MEF2C: variants seen among roughly 807,000 people sequenced by gnomAD.
The protein encoded by MEF2C is myocyte-specific enhancer factor 2C.
In MEF2C, 6 loss-of-function variants were observed where a neutral mutation model predicts 50.5. The observed-to-expected ratio is 0.12, with a 90% CI of 0.07 to 0.23. MEF2C has a LOEUF of 0.23. Ranked by LOEUF, MEF2C falls within the 10% of genes least tolerant of loss-of-function variation. The pLI, the probability that MEF2C is intolerant of heterozygous loss-of-function variation, is 1.00. For synonymous variants in MEF2C, 183 were observed against 228.0 expected (o/e 0.80, Z 1.78); for missense variants, 276 against 605.0 (o/e 0.46, Z 5.70).
chr5:88,804,895 G>A, intron 2 of MEF2C, 94 bp from the exon 3 acceptor site: 2 of 972,870 alleles, frequency 2.1e-6, no homozygotes, highest in East Asian at 5.2e-5. Flanking sequence ...CAAAACAATG[G>A]TGTGTAGTTG....
chr5:88,888,507 T>C (rs1334433508), intron 1 of MEF2C, among the ~76,000 whole-genome samples: 2 of 152,206 alleles, frequency 1.3e-5, no homozygotes, highest in Non-Finnish European at 2.9e-5. Context: ...TTATGGGTGT[T>C]AGTTGAGTTT....
At chr5:88,769,980 A>C (rs1223761234) in intron 3 of MEF2C, 2 of 985,264 alleles carry the variant, frequency 2.0e-6, no homozygotes, top group African/African-American at 1.7e-5. Context: ...AGTTAAGAAA[A>C]GAAAGGCTGG....
At chr5:88,852,939 T>C (rs1406544012) in intron 1 of MEF2C, among the ~76,000 whole-genome samples, 10 of 151,740 alleles carry the variant, frequency 6.6e-5, no homozygotes, top group Admixed American at 3.9e-4. Context: ...AGAATGTAGT[T>C]CTAGCCAGAC....
intron 4 of MEF2C, among the ~76,000 whole-genome samples, chr5:88,760,034 C>T (rs1777148216): frequency 6.6e-6 from 1 of 152,188 alleles, no homozygotes; most frequent in South Asian, 2.1e-4. Context: ...GTTTTGCTAA[C>T]TTACAAAAAA....
intron 1 of MEF2C, among the ~76,000 whole-genome samples, chr5:88,873,874 T>G (rs1299514919): frequency 6.6e-6 from 1 of 151,894 alleles, no homozygotes; most frequent in Non-Finnish European, 1.5e-5. Flanking sequence ...AAGATTCACT[T>G]AAAAATAGAC....
chr5:88,755,580 T>C (rs1281986344), intron 4 of MEF2C, among the ~76,000 whole-genome samples: 2 of 152,214 alleles, frequency 1.3e-5, no homozygotes, highest in African/African-American at 4.8e-5. Context: ...CACTGGAGTG[T>C]CTCAGGTTTT....
At chr5:88,834,597 C>A (rs569770381) in intron 1 of MEF2C, among the ~76,000 whole-genome samples, 3 of 151,938 alleles carry the variant, frequency 2.0e-5, no homozygotes, top group Admixed American at 2.0e-4. Context: ...TGGAATGGAC[C>A]AAGGGGTGAT....
intron 3 of MEF2C, among the ~76,000 whole-genome samples, chr5:88,795,884 T>A (rs191073682): frequency 4.9e-4 from 75 of 152,358 alleles, no homozygotes; most frequent in African/African-American, 1.8e-3. Context: ...CTTTTCTGCA[T>A]CTATTGAGAT....
intron 6 of MEF2C, chr5:88,740,743 A>G (rs1581565558): frequency 2.0e-6 from 2 of 985,160 alleles, no homozygotes; most frequent in East Asian, 2.3e-4. Flanking sequence ...ATAGTTTTTA[A>G]TTGCACCATA....
chr5:88,727,934 A>G (rs908329623), intron 10 of MEF2C, among the ~76,000 whole-genome samples: 1 of 152,074 alleles, frequency 6.6e-6, no homozygotes, highest in Admixed American at 6.6e-5. Flanking sequence ...CTGACTACAT[A>G]AAACAAAAAT....
chr5:88,747,685 C>T (rs1191898843), intron 6 of MEF2C, among the ~76,000 whole-genome samples: 1 of 152,094 alleles, frequency 6.6e-6, no homozygotes, highest in Non-Finnish European at 1.5e-5. Flanking sequence ...AGAACCACTA[C>T]TAGCTGTTTC....
At chr5:88,733,570 G>A (rs1480265526) in intron 6 of MEF2C, 1 of 985,352 alleles carries the variant, frequency 1.0e-6, no homozygotes, top group African/African-American at 1.7e-5. Flanking sequence ...GGAAGGCAGA[G>A]CAAAGGTATA....
Position 88,873,470 on chromosome 5 carries a change from A to G in MEF2C, c.-143+9485T>C, listed in dbSNP as rs1581845971. 4.6e-5 allele frequency among the ~76,000 whole-genome samples: 7 copies of G among 152,204 alleles called. No homozygotes were observed. In the Middle Eastern group the frequency reaches 0.01, roughly 222 times the overall value. ...GAAGCTCAGACAGGAGAGAATCCAA[A>G]AACAATGAAAACGGAAGGAAAAAAC... On this transcript the variant is annotated intron_variant, in intron 1 of 10. Coordinates refer to ENST00000504921, the MANE Select transcript of MEF2C (RefSeq NM_002397.5).
rs902903046 is a variant in MEF2C at position 88,739,273 on chromosome 5, A to G, written c.638-7372T>C. 2.5e-5 allele frequency: 25 copies of G among 983,430 alleles called. No homozygotes were observed. The East Asian group carries it at 1.6e-3, about 63-fold the overall frequency. 60.9% of individuals were successfully genotyped at this position (983,430 alleles called of 1,614,324 possible). On this transcript the variant is annotated intron_variant, in intron 6 of 10. Coordinates refer to ENST00000504921, the MANE Select transcript of MEF2C (RefSeq NM_002397.5). ...TTGACACAGGAAAACATTAAGCTGA[A>G]CACACAGCTGGACCTCTGAAGTATC...
At chr5:88,743,947 C>T (rs1581618527) in intron 6 of MEF2C, 4 of 924,462 alleles carry the variant, frequency 4.3e-6, no homozygotes, top group South Asian at 1.0e-4. Context: ...ATCTCCTTTG[C>T]CTTACTGTCA....
At chr5:88,848,085 C>T (rs1366138469) in intron 1 of MEF2C, among the ~76,000 whole-genome samples, 2 of 152,116 alleles carry the variant, frequency 1.3e-5, no homozygotes, top group Admixed American at 6.6e-5. Flanking sequence ...TAAAATGTAA[C>T]TAAAAATCCA....
intron 2 of MEF2C, among the ~76,000 whole-genome samples, chr5:88,810,910 C>G (rs1410546968): frequency 6.6e-6 from 1 of 152,032 alleles, no homozygotes; most frequent in Non-Finnish European, 1.5e-5. Flanking sequence ...AAAGCTGGGT[C>G]ACAATCAAGA....
intron 3 of MEF2C, among the ~76,000 whole-genome samples, chr5:88,801,135 AATTAT>A (rs1257100984): frequency 6.6e-6 from 1 of 152,158 alleles, no homozygotes; most frequent in Non-Finnish European, 1.5e-5. Flanking sequence ...AAAGGCTGGA[AATTAT>A]ATTATTTCTA....
intron 2 of MEF2C, among the ~76,000 whole-genome samples, chr5:88,823,382 C>T (rs1809354729): frequency 6.6e-6 from 1 of 151,820 alleles, no homozygotes; most frequent in African/African-American, 2.4e-5. Flanking sequence ...AGGTCTAGTT[C>T]CCATGAATAT....
Sources: gnomAD v4.1 joint callset for allele counts (sites outside exome capture counted in the v4.1 genomes callset) on GRCh38, gnomAD v4.1.1 for gene constraint, MANE v1.5 for transcripts, NCBI Gene and HGNC (gene_info 2026-07-23, HGNC 2026-07-21) for gene names.